The following ABCB1 variants were observed in gnomAD, a reference collection of about 807,000 sequenced individuals.
ABCB1 encodes ATP binding cassette subfamily B member 1, also known as ATP-dependent translocase ABCB1.
Under a neutral mutation model 142.0 loss-of-function variants are expected in ABCB1, and 69 were observed. The observed-to-expected ratio is 0.49, with a 90% CI of 0.40 to 0.59. The LOEUF (loss-of-function observed/expected upper bound fraction) is 0.59. ABCB1 is among the 20% of genes least tolerant of loss of function. The pLI, the probability that ABCB1 is intolerant of heterozygous loss-of-function variation, is 0.00. For missense variants in ABCB1, 1,326 were observed against 1,554.7 expected (o/e 0.85, Z 2.47); for synonymous variants, 532 against 539.2 (o/e 0.99, Z 0.18).
At chr7:87,575,785 T>C (rs191929731) in intron 4 of ABCB1, among the ~76,000 whole-genome samples, 82 of 152,314 alleles carry the variant, frequency 5.4e-4, no homozygotes, top group Non-Finnish European at 1.0e-3. Context: ...CCTGAAGAGC[T>C]GTGCCTCTTG....
At chr7:87,694,567 A>G (rs1242961584) in intron 1 of ABCB1, among the ~76,000 whole-genome samples, 1 of 152,212 alleles carries the variant, frequency 6.6e-6, no homozygotes, top group East Asian at 1.9e-4. Context: ...TAATTCCCAC[A>G]ATTAATCCTT....
intron 4 of ABCB1, among the ~76,000 whole-genome samples, chr7:87,582,284 T>G (rs1267049452): frequency 6.6e-6 from 1 of 152,244 alleles, no homozygotes; most frequent in Non-Finnish European, 1.5e-5. Context: ...AGATAGATGC[T>G]GACCATATTT....
chr7:87,668,376 CCTT>C (rs1825482495), intron 1 of ABCB1, among the ~76,000 whole-genome samples: 3 of 151,774 alleles, frequency 2.0e-5, no homozygotes, highest in South Asian at 4.2e-4. Flanking sequence ...AGCTTTTCTT[CCTT>C]CTTCTTTATT....
At chr7:87,575,930 T>G (rs1379428267) in intron 4 of ABCB1, among the ~76,000 whole-genome samples, 2 of 152,100 alleles carry the variant, frequency 1.3e-5, no homozygotes, top group African/African-American at 4.8e-5. Context: ...GATACCAGAC[T>G]AAAAAGTAGG....
intron 1 of ABCB1, among the ~76,000 whole-genome samples, chr7:87,633,474 T>A: frequency 6.6e-6 from 1 of 152,210 alleles, no homozygotes; most frequent in East Asian, 1.9e-4. Context: ...TTTGCCTAAG[T>A]GGCCCCAGAA....
intron 20 of ABCB1, among the ~76,000 whole-genome samples, chr7:87,533,038 G>GT (rs1318809773): frequency 6.6e-6 from 1 of 152,044 alleles, no homozygotes; most frequent in Non-Finnish European, 1.5e-5. Flanking sequence ...GCTGAAAGAG[G>GT]TATCATAAAT....
chr7:87,534,476 T>C (rs957749749), intron 20 of ABCB1, among the ~76,000 whole-genome samples: 1 of 152,190 alleles, frequency 6.6e-6, no homozygotes, highest in African/African-American at 2.4e-5. Context: ...AAAAAAGGTT[T>C]ACTAAAGTTA....
At chr7:87,577,938 C>G (rs193158543) in intron 4 of ABCB1, among the ~76,000 whole-genome samples, 2 of 152,206 alleles carry the variant, frequency 1.3e-5, no homozygotes, top group Non-Finnish European at 2.9e-5. Context: ...ATCCATTTGT[C>G]CATTTTTGTT....
intron 1 of ABCB1, among the ~76,000 whole-genome samples, chr7:87,650,358 G>A (rs772426397): frequency 3.9e-5 from 6 of 152,016 alleles, no homozygotes; most frequent in Non-Finnish European, 7.4e-5. Flanking sequence ...GGCTGGGAAG[G>A]CTGAGATCGG....
At chr7:87,670,144 C>T (rs1487873357) in intron 1 of ABCB1, among the ~76,000 whole-genome samples, 1 of 152,136 alleles carries the variant, frequency 6.6e-6, no homozygotes, top group Non-Finnish European at 1.5e-5. Flanking sequence ...TGATCCAATA[C>T]TTCTCACAGG....
chr7:87,546,565 A>T (rs1816793190), intron 14 of ABCB1, among the ~76,000 whole-genome samples: 1 of 148,180 alleles, frequency 6.7e-6, no homozygotes, highest in Admixed American at 6.8e-5. Flanking sequence ...CAAAAAAAAA[A>T]AATAAAAAAT....
At chr7:87,670,749 A>G (rs1215760326) in intron 1 of ABCB1, among the ~76,000 whole-genome samples, 1 of 152,124 alleles carries the variant, frequency 6.6e-6, no homozygotes, top group Non-Finnish European at 1.5e-5. Context: ...TTAGTGAGGT[A>G]TTTTTGATGT....
rs574743295 is a variant in ABCB1 at position 87,538,762 on chromosome 7, A to G, written c.2397+506T>C. Among the ~76,000 whole-genome samples the G allele has an allele frequency of 2.6e-5, 4 of 152,296 alleles. No homozygotes were observed. In the East Asian group the frequency reaches 7.7e-4, roughly 29 times the overall value. The stretch of plus-strand genomic sequence containing the variant: ...TGCAAAATGTGAGAAGCATTCCATT[A>G]AACCCATTATCAGCCAGTAACACTG... On this transcript the variant is annotated intron_variant, in intron 19 of 27. Transcript: ENST00000622132.
chr7:87,646,252 G>A (rs1050848747), intron 1 of ABCB1, among the ~76,000 whole-genome samples: 2 of 152,206 alleles, frequency 1.3e-5, no homozygotes, highest in South Asian at 4.1e-4. Flanking sequence ...GTCTCTTGAT[G>A]ATATGAAAAT....
chr7:87,575,148 A>C (rs1206761042), intron 4 of ABCB1, among the ~76,000 whole-genome samples: 1 of 152,230 alleles, frequency 6.6e-6, no homozygotes, highest in Admixed American at 6.5e-5. Context: ...ATAAGACTGT[A>C]CCATTTAGGG....
chr7:87,706,863 A>C (rs1393308918), intron 1 of ABCB1, among the ~76,000 whole-genome samples: 1 of 152,190 alleles, frequency 6.6e-6, no homozygotes, highest in Non-Finnish European at 1.5e-5. Context: ...CCCATAAACA[A>C]AGCTGAAAGC....
Position 87,531,227 on chromosome 7 carries a change from A to G in ABCB1, c.2685+67T>C, listed in dbSNP as rs2032584. The G allele has an allele frequency of 1.2e-3, 1,699 of 1,375,804 alleles. 16 individuals are homozygous for G. Among genetic ancestry groups the G allele is most frequent in the South Asian group, 9.9e-3 (855 of 85,990 alleles). 85.2% of individuals were successfully genotyped at this position (1,375,804 alleles called of 1,614,324 possible). A position where few individuals can be genotyped will look rare whatever the true frequency, so the allele number is the denominator to read the frequency against. ...TAGAGCATAGTAAGCAGTAGGGAGT[A>G]ACAAAATAACACTGATTAGAATACT... is the stretch of plus-strand genomic sequence containing the variant. On this transcript the variant is annotated intron_variant, in intron 21 of 27. Transcript: ENST00000622132.
chr7:87,657,382 G>C (rs371351065), intron 1 of ABCB1, among the ~76,000 whole-genome samples: 1 of 152,078 alleles, frequency 6.6e-6, no homozygotes, highest in Non-Finnish European at 1.5e-5. Flanking sequence ...CTTTTCAGCC[G>C]TATCTGCTCT....
At chr7:87,598,189 T>C (rs1819287888) in intron 2 of ABCB1, among the ~76,000 whole-genome samples, 1 of 152,208 alleles carries the variant, frequency 6.6e-6, no homozygotes, top group South Asian at 2.1e-4. Context: ...TTGAGTTCTA[T>C]AAAATATATT....
Sources: allele counts gnomAD v4.1 joint callset (sites outside exome capture counted in the v4.1 genomes callset), GRCh38; gene constraint gnomAD v4.1.1; transcripts MANE v1.5; gene names NCBI Gene and HGNC (gene_info 2026-07-23, HGNC 2026-07-21).